Variants in NFIX observed in about 807,000 individuals in gnomAD.
NFIX encodes nuclear factor I X, also known as nuclear factor 1 X-type.
A neutral mutation model predicts 53.3 loss-of-function variants in NFIX; 2 were observed. That is an observed-to-expected ratio of 0.04 (90% CI 0.02 to 0.12). The LOEUF (loss-of-function observed/expected upper bound fraction) is 0.12. Ranked by LOEUF, NFIX falls within the 10% of genes least tolerant of loss-of-function variation. The pLI is 1.00. For synonymous variants in NFIX, 244 were observed against 289.0 expected (o/e 0.84, Z 1.58); for missense variants, 310 against 674.5 (o/e 0.46, Z 5.99).
Position 13,072,934 on chromosome 19 carries a change from T to C in NFIX, c.560-113T>C, listed in dbSNP as rs1383444354. On this transcript the variant is annotated intron_variant, in intron 2 of 10. Transcript: ENST00000592199. This position sits in a 1 kb window ranked among gnomAD's most constrained non-coding sequence, Gnocchi z 4.0. ...GGAGAGGGTGGGGTGAAGGTTTCTG[T>C]AGCCAGGGTGGGCCGTCCCTGCTCT... The C allele has an allele frequency of 1.4e-5, 14 of 1,022,556 alleles. No individual in the cohort carries two copies. In the African/African-American group the frequency reaches 2.1e-4, roughly 15 times the overall value. The allele number at this position is 1,022,556 out of a possible 1,614,324, so 63.3% of individuals were successfully genotyped here.
At chr19:13,058,461 C>G (rs2015853894) in intron 2 of NFIX, among the ~76,000 whole-genome samples, 1 of 151,078 alleles carries the variant, frequency 6.6e-6, no homozygotes, top group Admixed American at 6.6e-5. Flanking sequence ...CCAGCCTGGG[C>G]AACATAGGGA....
chr19:13,003,515 C>T (rs1033803619), intron 1 of NFIX, among the ~76,000 whole-genome samples: 3 of 152,198 alleles, frequency 2.0e-5, no homozygotes, highest in African/African-American at 4.8e-5. Context: ...CCGCACATGC[C>T]ACCAAGCACA....
At chr19:13,086,218 G>C (rs2017770555) in intron 8 of NFIX, among the ~76,000 whole-genome samples, 1 of 152,224 alleles carries the variant, frequency 6.6e-6, no homozygotes, top group Non-Finnish European at 1.5e-5. Context: ...AGGCATCCGT[G>C]GGGGCCTTGA....
Position 12,998,285 on chromosome 19 carries a change from C to T in NFIX, c.27+2421C>T, listed in dbSNP as rs1017395813. On this transcript the variant is annotated intron_variant, in intron 1 of 10. Coordinates refer to ENST00000592199, the MANE Select transcript of NFIX (RefSeq NM_001365902.3). This position sits in a 1 kb window ranked among gnomAD's most constrained non-coding sequence, Gnocchi z 4.4. ...CCCCCCTCCACTGGCGTCTCGGACTCTCTCTCTCTCTGTCTCTCTGGCCTG... is the reference window on the plus strand; with the variant it reads ...CCCCCCTCCACTGGCGTCTCGGACTTTCTCTCTCTCTGTCTCTCTGGCCTG... Among the ~76,000 whole-genome samples the T allele has an allele frequency of 1.3e-5, 2 of 151,510 alleles. No individual in the cohort carries two copies. The highest frequency in any genetic ancestry group is 2.1e-4 in the South Asian group (1 of 4,786).
At position 13,088,194 on chromosome 19, in the gene NFIX, G is replaced by C. The variant is rs1489330452; in HGVS notation, c.1402+58G>C. 2.6e-6 allele frequency: 4 copies of C among 1,523,812 alleles called. No homozygotes were observed. Among genetic ancestry groups the C allele is most frequent in the Non-Finnish European group, 3.5e-6 (4 of 1,138,314 alleles). 94.4% of individuals were successfully genotyped at this position (1,523,812 alleles called of 1,614,324 possible). A position where few individuals can be genotyped will look rare whatever the true frequency, so the allele number is the denominator to read the frequency against. ...CCAGCGTCCCCGGCCCGTCCAAACAGTCTCCACTGCAAAAAGAAAAGCCTT... is the reference window on the plus strand; with the variant it reads ...CCAGCGTCCCCGGCCCGTCCAAACACTCTCCACTGCAAAAAGAAAAGCCTT... On this transcript the variant is annotated intron_variant, in intron 9 of 10. Transcript: ENST00000592199. This position sits in a 1 kb window ranked among gnomAD's most constrained non-coding sequence, Gnocchi z 5.9.
Position 13,073,426 on chromosome 19 carries a change from C to G in NFIX, c.627C>G (p.His209Gln). The G allele has an allele frequency of 6.2e-7, 1 of 1,613,960 alleles. No individual in the cohort carries two copies. The highest frequency in any genetic ancestry group is 8.5e-7 in the Non-Finnish European group (1 of 1,179,836). Reference protein sequence around the residue: ...DADIKPLPNGHLSFQDCFVTS... With the variant: ...DADIKPLPNGQLSFQDCFVTS... ...CTCATCCTTTCCCCTCTTCAGGGCA[C>G]TTAAGTTTCCAGGACTGTTTTGTGA... The change falls in exon 4 of 11, where the codon CAC becomes CAG. Residue 209 changes from histidine (H) to glutamine (Q), a missense_variant. By Grantham distance (24) the His-to-Gln change is conservative. Coordinates refer to ENST00000592199, the MANE Select transcript of NFIX (RefSeq NM_001365902.3). This position sits in a 1 kb window ranked among gnomAD's most constrained non-coding sequence, Gnocchi z 4.5.
intron 1 of NFIX, among the ~76,000 whole-genome samples, chr19:12,997,389 A>G (rs1250575598): frequency 6.6e-6 from 1 of 152,224 alleles, no homozygotes; most frequent in Non-Finnish European, 1.5e-5. Flanking sequence ...TCCTGTAGAA[A>G]GCAGGCCCAA....
intron 2 of NFIX, among the ~76,000 whole-genome samples, chr19:13,058,799 C>T (rs1366267581): frequency 6.6e-6 from 1 of 152,108 alleles, no homozygotes; most frequent in Non-Finnish European, 1.5e-5. Context: ...GAAACCATTG[C>T]TGAGCCTCCT....
intron 1 of NFIX, 35 bp from the exon 2 acceptor site, chr19:13,024,986 C>T (rs377492146): frequency 2.4e-5 from 38 of 1,561,170 alleles, no homozygotes; most frequent in African/African-American, 6.8e-5. Context: ...TCCCGTCCTC[C>T]CTCGCCCCGC....
In NFIX at chr19:13,025,581, T is replaced by G. The variant is rs1456327829; in HGVS notation, c.559+29T>G. On this transcript the variant is annotated intron_variant, in intron 2 of 10. Coordinates refer to ENST00000592199, the MANE Select transcript of NFIX (RefSeq NM_001365902.3). This position sits in a 1 kb window ranked among gnomAD's most constrained non-coding sequence, Gnocchi z 7.5. ...GGTCGTTCTCAACCATTTTTCCCTCTCATTTTATTTTCCTTGCTGGCATTT... is the reference window on the plus strand; with the variant it reads ...GGTCGTTCTCAACCATTTTTCCCTCGCATTTTATTTTCCTTGCTGGCATTT... The G allele has an allele frequency of 2.5e-6, 4 of 1,591,642 alleles. No individual in the cohort carries two copies. In the Admixed American group the frequency reaches 6.8e-5, roughly 27 times the overall value.
At position 13,040,116 on chromosome 19, in the gene NFIX, G is replaced by T. The variant is rs1217908320; in HGVS notation, c.559+14564G>T. The stretch of plus-strand genomic sequence containing the variant: ...AGAGACTTGGTTTTTCAAAATACTT[G>T]TTTTTATTTTATGTGAATGAGCTCT... On this transcript the variant is annotated intron_variant, in intron 2 of 10. Transcript: ENST00000592199. The surrounding 1 kb of genome is among the most constrained non-coding windows in gnomAD (Gnocchi z 4.2). Among the ~76,000 whole-genome samples the T allele has an allele frequency of 6.6e-6, 1 of 152,150 alleles. No homozygotes were observed. The highest frequency in any genetic ancestry group is 1.5e-5 in the Non-Finnish European group (1 of 68,008).
chr19:13,022,950 C>T lies in NFIX; in HGVS notation c.28-2071C>T, dbSNP rs2013026885. Reference sequence around the variant, plus strand: ...GTCGATTGGGCAAATTGTTTTTGGTCTCCAACTGCCGGGGGCTCTCCCCAC... The same window carrying T: ...GTCGATTGGGCAAATTGTTTTTGGTTTCCAACTGCCGGGGGCTCTCCCCAC... On this transcript the variant is annotated intron_variant, in intron 1 of 10. Coordinates refer to ENST00000592199, the MANE Select transcript of NFIX (RefSeq NM_001365902.3). The surrounding 1 kb of genome is among the most constrained non-coding windows in gnomAD (Gnocchi z 4.5). Among the ~76,000 whole-genome samples, 1 of 152,090 alleles carries T rather than the reference C, an allele frequency of 6.6e-6. No homozygotes were observed. Among genetic ancestry groups the T allele is most frequent in the Admixed American group, 6.5e-5 (1 of 15,276 alleles).
rs560477071 is a variant in NFIX, at chr19:13,096,215, C to G, written c.*1566C>G. The stretch of plus-strand genomic sequence containing the variant: ...TGAGTCCTTGTGCCTCTCTCTTTCT[C>G]TCTCTTTCTTAATTGTATGAAAACA... On this transcript the variant is annotated 3_prime_UTR_variant, in exon 11 of 11. Coordinates refer to ENST00000592199, the MANE Select transcript of NFIX (RefSeq NM_001365902.3). 2 of 150,880 alleles carry G rather than the reference C, an allele frequency of 1.3e-5. No individual in the cohort carries two copies. Among genetic ancestry groups the G allele is most frequent in the South Asian group, 4.1e-4 (2 of 4,842 alleles). 9.3% of individuals were successfully genotyped at this position (150,880 alleles called of 1,614,324 possible). A position where few individuals can be genotyped will look rare whatever the true frequency, so the allele number is the denominator to read the frequency against.
intron 2 of NFIX, among the ~76,000 whole-genome samples, chr19:13,048,141 C>A (rs1051685669): frequency 6.6e-6 from 1 of 152,242 alleles, no homozygotes; most frequent in Non-Finnish European, 1.5e-5. Context: ...CGAGCAGCAG[C>A]CCTGGGGCCT....
At chr19:13,035,874 C>G (rs1014618331) in intron 2 of NFIX, among the ~76,000 whole-genome samples, 1 of 152,226 alleles carries the variant, frequency 6.6e-6, no homozygotes, top group African/African-American at 2.4e-5. Flanking sequence ...CCACCCGCTG[C>G]CTTTTGTACC....
At chr19:12,995,946 C>A in intron 1 of NFIX, 82 bp downstream of exon 1, 1 of 568,594 alleles carries the variant, frequency 1.8e-6, no homozygotes, top group Non-Finnish European at 2.2e-6. Context: ...AGGGGACGCG[C>A]GGCGGCCGGG....
intron 1 of NFIX, chr19:13,024,494 T>G: frequency 6.7e-7 from 1 of 1,497,244 alleles, no homozygotes; most frequent in East Asian, 2.5e-5. Flanking sequence ...ATTTTCTGTC[T>G]TCTTGGGGGC....
intron 2 of NFIX, among the ~76,000 whole-genome samples, chr19:13,057,480 G>C (rs1027953624): frequency 1.3e-5 from 2 of 152,148 alleles, no homozygotes; most frequent in African/African-American, 4.8e-5. Flanking sequence ...TGCAGACTCG[G>C]CTTTCGCTCC....
At chr19:13,029,359 A>T (rs2013620020) in intron 2 of NFIX, among the ~76,000 whole-genome samples, 1 of 152,200 alleles carries the variant, frequency 6.6e-6, no homozygotes, top group Non-Finnish European at 1.5e-5. Flanking sequence ...ATACTGGTTA[A>T]TGTTCACATT....
Sources: gnomAD v4.1 joint callset for allele counts (sites outside exome capture counted in the v4.1 genomes callset) on GRCh38, gnomAD v4.1.1 for gene constraint, Gnocchi (gnomAD v3.1) non-coding constraint, MANE v1.5 for transcripts, NCBI Gene and HGNC (gene_info 2026-07-23, HGNC 2026-07-21) for gene names.